Variants in MTX3 observed in about 807,000 individuals in gnomAD.
MTX3 encodes the protein metaxin 3.
MTX3 carries 27 observed loss-of-function variants against 42.5 expected under a neutral mutation model. That is an observed-to-expected ratio of 0.64 (90% CI 0.47 to 0.88). The LOEUF (loss-of-function observed/expected upper bound fraction) is 0.88. MTX3 is among the 40% of genes least tolerant of loss of function. The probability of loss-of-function intolerance (pLI) is 0.00; values close to 1 mark genes in which losing one functional copy is unlikely to be tolerated. For missense variants in MTX3, 378 were observed against 367.0 expected, an observed-to-expected ratio of 1.03 and a Z score of -0.25; for synonymous variants, 144 against 132.9, an observed-to-expected ratio of 1.08 and a Z score of -0.57.
In MTX3 at chr5:79,979,088, A is replaced by G. The variant is rs1378708769; in HGVS notation, c.*4596T>C. ...ATTTTGTGTCTTTTTAAATTCCTAG[A>G]GTACCTCTCCACTTCAATCACAATT... On this transcript the variant is annotated 3_prime_UTR_variant, in exon 9 of 9. Coordinates refer to ENST00000512528, the MANE Select transcript of MTX3 (RefSeq NM_001363818.2). 1 of 152,642 alleles carries G rather than the reference A, an allele frequency of 6.6e-6. No homozygotes were observed. The highest frequency in any genetic ancestry group is 1.5e-5 in the Non-Finnish European group (1 of 68,036). 9.5% of individuals were successfully genotyped at this position (152,642 alleles called of 1,614,324 possible).
chr5:79,984,205 A>C (rs1831438658), intron 8 of MTX3, among the ~76,000 whole-genome samples: 1 of 152,150 alleles, frequency 6.6e-6, no homozygotes, highest in South Asian at 2.1e-4. Flanking sequence ...GCAGACACAG[A>C]CCTTCTCTGT....
In MTX3 at chr5:79,983,625, C is replaced by G; in HGVS notation, c.*59G>C. ...GGTATCTTCTTTTTGCCTTCACACA[C>G]TTGGTGTAAGAGATTACTGCAACAA... On this transcript the variant is annotated 3_prime_UTR_variant, in exon 9 of 9. Transcript: ENST00000512528. 7 of 1,253,196 alleles carry G rather than the reference C, an allele frequency of 5.6e-6. No individual in the cohort carries two copies. Among genetic ancestry groups the G allele is most frequent in the Non-Finnish European group, 8.2e-6 (7 of 850,690 alleles). 77.6% of individuals were successfully genotyped at this position (1,253,196 alleles called of 1,614,324 possible).
chr5:79,988,443 A>G lies in MTX3; in HGVS notation c.504+19T>C. On this transcript the variant is annotated intron_variant, in intron 5 of 8. Coordinates refer to ENST00000512528, the MANE Select transcript of MTX3 (RefSeq NM_001363818.2). ...CTTTCTCTCTAGGGCCCTTGCTTGA[A>G]GAATAATCCATACTATACCTGTGCT... 1 of 1,600,212 alleles carries G rather than the reference A, an allele frequency of 6.2e-7. No homozygotes were observed. The highest frequency in any genetic ancestry group is 8.5e-7 in the Non-Finnish European group (1 of 1,175,112).
chr5:79,985,458 C>A (rs887278716), intron 8 of MTX3, 113 bp downstream of exon 8: 4 of 723,306 alleles, frequency 5.5e-6, no homozygotes, highest in Non-Finnish European at 9.4e-6. Context: ...TTCTGAAAAA[C>A]AAACTCTATA....
chr5:79,989,315 A>C, intron 3 of MTX3, 71 bp from the exon 4 acceptor site: 1 of 914,518 alleles, frequency 1.1e-6, no homozygotes, highest in Non-Finnish European at 1.7e-6. Context: ...AACTAATCAA[A>C]TCAGGATTCA....
At chr5:79,985,749 C>T in intron 7 of MTX3, 90 bp from the exon 8 acceptor site, 1 of 839,520 alleles carries the variant, frequency 1.2e-6, no homozygotes. Flanking sequence ...AGTCTACCCA[C>T]CCTGTCCAGT....
chr5:79,978,141 T>C lies in MTX3; in HGVS notation c.*5543A>G, dbSNP rs182734938. The C allele has an allele frequency of 6.6e-6, 1 of 152,066 alleles. No homozygotes were observed. The highest frequency in any genetic ancestry group is 2.4e-5 in the African/African-American group (1 of 41,436). The allele number at this position is 152,066 out of a possible 1,614,324, so 9.4% of individuals were successfully genotyped here. A position where few individuals can be genotyped will look rare whatever the true frequency, so the allele number is the denominator to read the frequency against. On this transcript the variant is annotated 3_prime_UTR_variant, in exon 9 of 9. Transcript: ENST00000512528. ...CTCTCAATGCCATGGTCCAAGGGAG[T>C]CTTGACCTGTCTCTTCCCATTTTAC...
At chr5:79,986,461 T>C (rs1831492061) in intron 7 of MTX3, among the ~76,000 whole-genome samples, 1 of 152,242 alleles carries the variant, frequency 6.6e-6, no homozygotes, top group Non-Finnish European at 1.5e-5. Flanking sequence ...GCCCTCTATT[T>C]ACTATACTTC....
At position 79,988,511 on chromosome 5, in the gene MTX3, A is replaced by C; in HGVS notation, c.455T>G (p.Leu152Arg). 2 of 1,613,258 alleles carry C rather than the reference A, an allele frequency of 1.2e-6. 1 individual carries two copies. The highest frequency in any genetic ancestry group is 2.2e-5 in the South Asian group (2 of 90,720). The change falls in exon 5 of 9, where the codon CTG becomes CGG. Residue 152 changes from leucine (L) to arginine (R), a missense_variant. Coordinates refer to ENST00000512528, the MANE Select transcript of MTX3 (RefSeq NM_001363818.2). ...MSKGALNRIL[L>R]TRGQPPLYHL... ...GTAGAGGGGAGGCTGTCCTCTGGTC[A>C]GGAGAATCCTATTCAGTGCTCCCTT...
intron 3 of MTX3, 51 bp from the exon 4 acceptor site, chr5:79,989,295 A>G: frequency 8.6e-7 from 1 of 1,166,494 alleles, no homozygotes; most frequent in Admixed American, 2.4e-5. Flanking sequence ...GAGCAGCCCA[A>G]AGACAGTAAA....
intron 6 of MTX3, 117 bp from the exon 7 acceptor site, chr5:79,987,224 T>C: frequency 7.5e-6 from 6 of 802,428 alleles, no homozygotes; most frequent in South Asian, 2.0e-5. Context: ...GCAGATCACT[T>C]GAGGTCAGGA....
rs906207491 is a variant in MTX3, at chr5:79,982,421, T to A, written c.*1263A>T. 4.4e-6 allele frequency: 2 copies of A among 456,616 alleles called. No individual in the cohort carries two copies. Among genetic ancestry groups the A allele is most frequent in the Non-Finnish European group, 8.8e-6 (2 of 226,914 alleles). The allele number at this position is 456,616 out of a possible 1,614,324, so 28.3% of individuals were successfully genotyped here. On this transcript the variant is annotated 3_prime_UTR_variant, in exon 9 of 9. Transcript: ENST00000512528. ...ACATATGGGTTCCTGCACGACTTGATAAGATTTGCTGAGCACCACAGTAAT... is the reference window on the plus strand; with the variant it reads ...ACATATGGGTTCCTGCACGACTTGAAAAGATTTGCTGAGCACCACAGTAAT...
chr5:79,982,297 C>A lies in MTX3; in HGVS notation c.*1387G>T. 2.4e-6 allele frequency: 1 copy of A among 420,280 alleles called. No homozygotes were observed. The allele number at this position is 420,280 out of a possible 1,614,324, so 26.0% of individuals were successfully genotyped here. On this transcript the variant is annotated 3_prime_UTR_variant, in exon 9 of 9. Coordinates refer to ENST00000512528, the MANE Select transcript of MTX3 (RefSeq NM_001363818.2). ...TAAAGACTCTTGTATAAATAACTACCTAAATACAGAACAAATTGGGAGGAT... is the reference window on the plus strand; with the variant it reads ...TAAAGACTCTTGTATAAATAACTACATAAATACAGAACAAATTGGGAGGAT...
rs558025888 is a variant in MTX3, at chr5:79,982,501, G to T, written c.*1183C>A. The T allele has an allele frequency of 2.3e-6, 1 of 441,168 alleles. No homozygotes were observed. Among genetic ancestry groups the T allele is most frequent in the African/African-American group, 2.0e-5 (1 of 49,578 alleles). 27.3% of individuals were successfully genotyped at this position (441,168 alleles called of 1,614,324 possible). On this transcript the variant is annotated 3_prime_UTR_variant, in exon 9 of 9. Transcript: ENST00000512528. ...CTACATTTTAAAAACCTCAGAAGTA[G>T]TTTTAGGACAACAGAAGCACCTCAA...
At position 79,988,671 on chromosome 5, in the gene MTX3, A is replaced by T. The variant is rs373198292; in HGVS notation, c.322-27T>A. 5.3e-6 allele frequency: 8 copies of T among 1,514,930 alleles called. No homozygotes were observed. In the African/African-American group the frequency reaches 1.1e-4, roughly 21 times the overall value. 93.8% of individuals were successfully genotyped at this position (1,514,930 alleles called of 1,614,324 possible). On this transcript the variant is annotated intron_variant, in intron 4 of 8. Coordinates refer to ENST00000512528, the MANE Select transcript of MTX3 (RefSeq NM_001363818.2). ...TGCAAAAGAAGAGAAAAAACACTAC[A>T]AGGATGTTCTTTTATTAAATGAAAG...
In MTX3 at chr5:79,988,234, C is replaced by G; in HGVS notation, c.581+5G>C. ...TACCAAAATGATTTTTAAGGGAATA[C>G]TCACGTATCTCCAAAGAAAAACTGA... is the stretch of plus-strand genomic sequence containing the variant. On this transcript the variant is annotated splice_donor_5th_base_variant and intron_variant, in intron 6 of 8. Transcript: ENST00000512528. 1 of 1,497,290 alleles carries G rather than the reference C, an allele frequency of 6.7e-7. No homozygotes were observed. The highest frequency in any genetic ancestry group is 9.1e-7 in the Non-Finnish European group (1 of 1,096,988). The allele number at this position is 1,497,290 out of a possible 1,614,324, so 92.8% of individuals were successfully genotyped here. A position where few individuals can be genotyped will look rare whatever the true frequency, so the allele number is the denominator to read the frequency against.
At position 79,986,714 on chromosome 5, in the gene MTX3, G is replaced by A. The variant is rs1365609325; in HGVS notation, c.739+236C>T. 7.0e-6 allele frequency: 4 copies of A among 571,130 alleles called. No individual in the cohort carries two copies. In the East Asian group the frequency reaches 1.4e-4, roughly 20 times the overall value. 35.4% of individuals were successfully genotyped at this position (571,130 alleles called of 1,614,324 possible). On this transcript the variant is annotated intron_variant, in intron 7 of 8. Transcript: ENST00000512528. ...AGGGGTAATATTTAAAGAACAAGAA[G>A]AAGAAACGTAAAAATCCAGCGGAAT...
In MTX3 at chr5:79,980,493, TTG is replaced by T. The variant is rs2151138701; in HGVS notation, c.*3189_*3190del. The T allele has an allele frequency of 6.6e-6, 1 of 152,160 alleles. No individual in the cohort carries two copies. Among genetic ancestry groups the T allele is most frequent in the East Asian group, 1.9e-4 (1 of 5,180 alleles). The allele number at this position is 152,160 out of a possible 1,614,324, so 9.4% of individuals were successfully genotyped here. A position where few individuals can be genotyped will look rare whatever the true frequency, so the allele number is the denominator to read the frequency against. On this transcript the variant is annotated 3_prime_UTR_variant, in exon 9 of 9. Coordinates refer to ENST00000512528, the MANE Select transcript of MTX3 (RefSeq NM_001363818.2). ...GAAATTTGGTTTGTTAATGCCCACCTTGTGTGGTCAAAACACAGTTTTGAAGG... is the reference window on the plus strand; with the variant it reads ...GAAATTTGGTTTGTTAATGCCCACCTTGTGGTCAAAACACAGTTTTGAAGG...
chr5:79,986,307 A>G (rs958828758), intron 7 of MTX3, among the ~76,000 whole-genome samples: 1 of 152,220 alleles, frequency 6.6e-6, no homozygotes, highest in Non-Finnish European at 1.5e-5. Context: ...AAAAAATAAT[A>G]AACTGTCCAC....
Sources: allele counts gnomAD v4.1 joint callset (sites outside exome capture counted in the v4.1 genomes callset), GRCh38; gene constraint gnomAD v4.1.1; transcripts MANE v1.5; gene names NCBI Gene and HGNC (gene_info 2026-07-23, HGNC 2026-07-21).